Variants in PCDHGB1 observed in about 807,000 individuals in gnomAD.
The protein encoded by PCDHGB1 is protocadherin gamma subfamily B, 1.
In PCDHGB1, 34 loss-of-function variants were observed where a neutral mutation model predicts 56.6. The observed-to-expected ratio is 0.60, with a 90% CI of 0.46 to 0.80. PCDHGB1 has a LOEUF of 0.80. Among genes scored for constraint, PCDHGB1 ranks in the 30% least tolerant of loss-of-function variants. The pLI is 0.00. For missense variants in PCDHGB1, 1,278 were observed against 1,204.6 expected, an observed-to-expected ratio of 1.06 and a Z score of -0.90; for synonymous variants, 561 against 505.9, an observed-to-expected ratio of 1.11 and a Z score of -1.46.
At chr5:141,380,091 G>A (rs538586012) in intron 1 of PCDHGB1, among the ~76,000 whole-genome samples, 1 of 151,688 alleles carries the variant, frequency 6.6e-6, no homozygotes, top group African/African-American at 2.4e-5. Context: ...GTAGAGATGG[G>A]GTTTTACCAT....
At chr5:141,409,088 GAGAAAAC>G in intron 1 of PCDHGB1, 1 of 1,614,044 alleles carries the variant, frequency 6.2e-7, no homozygotes, top group Non-Finnish European at 8.5e-7. Context: ...CTCATTGGAT[GAGAAAAC>G]AGGTATGATT....
At chr5:141,478,840 A>G (rs2099480064) in intron 1 of PCDHGB1, 1 of 1,410,466 alleles carries the variant, frequency 7.1e-7, no homozygotes, top group Non-Finnish European at 9.3e-7. Context: ...AGGGATGGTT[A>G]AGCTAAAACA....
intron 1 of PCDHGB1, among the ~76,000 whole-genome samples, chr5:141,458,557 G>A (rs1258900717): frequency 6.9e-6 from 1 of 143,954 alleles, no homozygotes; most frequent in Non-Finnish European, 1.5e-5. Context: ...TGTTTGTTTT[G>A]GTTTTGGGTT....
chr5:141,358,939 G>T (rs980584338), intron 1 of PCDHGB1, among the ~76,000 whole-genome samples: 1 of 152,226 alleles, frequency 6.6e-6, no homozygotes, highest in South Asian at 2.1e-4. Flanking sequence ...CAACACTTTT[G>T]TTCTTTGTGC....
At chr5:141,406,116 AG>A (rs982166274) in intron 1 of PCDHGB1, among the ~76,000 whole-genome samples, 4 of 147,788 alleles carry the variant, frequency 2.7e-5, no homozygotes, top group African/African-American at 1.0e-4. Context: ...TCTGTTGTCC[AG>A]GGTGGAATGC....
rs370995300 is a variant in PCDHGB1, at chr5:141,399,359, C to T, written c.2409+46690C>T. ...GATGGAACCCTAGACCGAGAGCAAACCCCGGAGTACAATGTCACCATCACA... is the reference window on the plus strand; with the variant it reads ...GATGGAACCCTAGACCGAGAGCAAATCCCGGAGTACAATGTCACCATCACA... On this transcript the variant is annotated intron_variant, in intron 1 of 3. Coordinates refer to ENST00000523390, the MANE Select transcript of PCDHGB1 (RefSeq NM_018922.3). 2.6e-4 allele frequency: 427 copies of T among 1,613,884 alleles called. No individual in the cohort carries two copies. The highest frequency in any genetic ancestry group is 1.2e-4 in the Non-Finnish European group (140 of 1,179,916).
chr5:141,369,608 T>G (rs1266511682), intron 1 of PCDHGB1, among the ~76,000 whole-genome samples: 1 of 152,214 alleles, frequency 6.6e-6, no homozygotes, highest in Non-Finnish European at 1.5e-5. Flanking sequence ...TTTTATAAGG[T>G]CAATCATTTC....
chr5:141,489,111 C>G lies in PCDHGB1; in HGVS notation c.2410-5696C>G. 1.9e-6 allele frequency: 1 copy of G among 518,042 alleles called. No individual in the cohort carries two copies. Among genetic ancestry groups the G allele is most frequent in the Non-Finnish European group, 3.2e-6 (1 of 308,182 alleles). The allele number at this position is 518,042 out of a possible 1,614,324, so 32.1% of individuals were successfully genotyped here. The stretch of plus-strand genomic sequence containing the variant: ...GTGACTAAGAACTGCTGCAAGCAGG[C>G]AAACCTCCGAGCAGTTTTTAAGAGG... On this transcript the variant is annotated intron_variant, in intron 1 of 3. Coordinates refer to ENST00000523390, the MANE Select transcript of PCDHGB1 (RefSeq NM_018922.3). This position sits in a 1 kb window ranked among gnomAD's most constrained non-coding sequence, Gnocchi z 4.5.
chr5:141,393,902 G>A, intron 1 of PCDHGB1: 2 of 1,613,968 alleles, frequency 1.2e-6, no homozygotes, highest in Non-Finnish European at 8.5e-7. Context: ...CTCTTCCCGG[G>A]ACAGTAATTG....
rs992843398 is a variant in PCDHGB1 at position 141,374,547 on chromosome 5, T to C, written c.2409+21878T>C. On this transcript the variant is annotated intron_variant, in intron 1 of 3. Transcript: ENST00000523390. ...GCTCCATCCTCTCGTTTTCCACTAA[T>C]GGAGGTCTATGACCCTGATGTGGGA... 2.5e-6 allele frequency: 4 copies of C among 1,613,438 alleles called. No homozygotes were observed. The highest frequency in any genetic ancestry group is 1.7e-5 in the Admixed American group (1 of 60,028).
At chr5:141,371,584 A>T in intron 1 of PCDHGB1, 2 of 1,613,962 alleles carry the variant, frequency 1.2e-6, no homozygotes, top group Non-Finnish European at 1.7e-6. Flanking sequence ...ATCGTTCAAG[A>T]TACCAAAAAC....
chr5:141,414,280 G>C, intron 1 of PCDHGB1: 5 of 1,613,604 alleles, frequency 3.1e-6, no homozygotes, highest in Non-Finnish European at 4.2e-6. Context: ...TCTGGGAACA[G>C]TCGTAGCCCT....
At position 141,424,135 on chromosome 5, in the gene PCDHGB1, G is replaced by A. The variant is rs572224199; in HGVS notation, c.2410-70672G>A. 1.1e-4 allele frequency: 47 copies of A among 431,606 alleles called. No individual in the cohort carries two copies. The South Asian group carries it at 4.6e-3, about 43-fold the overall frequency. The allele number at this position is 431,606 out of a possible 1,614,324, so 26.7% of individuals were successfully genotyped here. On this transcript the variant is annotated intron_variant, in intron 1 of 3. Coordinates refer to ENST00000523390, the MANE Select transcript of PCDHGB1 (RefSeq NM_018922.3). The stretch of plus-strand genomic sequence containing the variant: ...AAATTTTGATCCTGTTGATTTAATA[G>A]CATGCTCCCTCTAGCTCTCCTTCTC...
intron 3 of PCDHGB1, among the ~76,000 whole-genome samples, chr5:141,508,616 G>T (rs1007206932): frequency 6.6e-6 from 1 of 152,114 alleles, no homozygotes; most frequent in African/African-American, 2.4e-5. Flanking sequence ...ATAGGACGTG[G>T]GTGGGCCGAG....
intron 1 of PCDHGB1, chr5:141,356,266 G>A: frequency 6.4e-7 from 1 of 1,564,424 alleles, no homozygotes; most frequent in Non-Finnish European, 8.7e-7. Flanking sequence ...CACCAGCTCA[G>A]TCCAGGAATC....
chr5:141,352,591 G>C lies in PCDHGB1; in HGVS notation c.2331G>C (p.Leu777=). 6.2e-7 allele frequency: 1 copy of C among 1,613,590 alleles called. No individual in the cohort carries two copies. The highest frequency in any genetic ancestry group is 8.5e-7 in the Non-Finnish European group (1 of 1,179,620). Residue 777 remains leucine, a synonymous_variant, in exon 1 of 4, where the codon CTG becomes CTC. Transcript: ENST00000523390. ...AAATGGCTCCCCCTCAGGATCTGCT[G>C]TGTGATGATCCTTCTATGGTTGTAT... ...TPEMAPPQDL[L]CDDPSMVVCA... is the part of the protein sequence containing the mutation.
chr5:141,385,182 G>T (rs374159387), intron 1 of PCDHGB1: 2 of 1,614,138 alleles, frequency 1.2e-6, no homozygotes, highest in Non-Finnish European at 8.5e-7. Flanking sequence ...CCCTCACCGC[G>T]GACTCTCGGA....
intron 1 of PCDHGB1, chr5:141,370,539 A>G: frequency 6.2e-7 from 1 of 1,613,826 alleles, no homozygotes; most frequent in Admixed American, 1.7e-5. Context: ...GCTGGTAGGG[A>G]ACCTCGCCAA....
intron 1 of PCDHGB1, chr5:141,421,203 G>A (rs779780797): frequency 2.6e-6 from 4 of 1,522,494 alleles, no homozygotes; most frequent in African/African-American, 1.4e-5. Context: ...TCGAGAAACC[G>A]CGGAATATCG....
Sources: allele counts gnomAD v4.1 joint callset (sites outside exome capture counted in the v4.1 genomes callset), GRCh38; gene constraint gnomAD v4.1.1; non-coding constraint Gnocchi (gnomAD v3.1); transcripts MANE v1.5; gene names NCBI Gene and HGNC (gene_info 2026-07-23, HGNC 2026-07-21).